MECOM: variants seen among roughly 807,000 people sequenced by gnomAD.
The protein encoded by MECOM is MDS1 and EVI1 complex locus.
A neutral mutation model predicts 116.3 loss-of-function variants in MECOM; 13 were observed. The observed-to-expected ratio is 0.11, with a 90% CI of 0.07 to 0.18. MECOM has a LOEUF of 0.18. Ranked by LOEUF, MECOM falls within the 10% of genes least tolerant of loss-of-function variation. MECOM has a pLI of 1.00. For synonymous variants in MECOM, 528 were observed against 535.2 expected (o/e 0.99, Z 0.19); for missense variants, 1,299 against 1,509.0 (o/e 0.86, Z 2.31).
intron 2 of MECOM, among the ~76,000 whole-genome samples, chr3:169,243,611 T>C (rs1755167781): frequency 6.6e-6 from 1 of 152,132 alleles, no homozygotes; most frequent in Non-Finnish European, 1.5e-5. Context: ...AACTATTTAA[T>C]TGACCAAAAA....
At chr3:169,424,251 G>T (rs916881673) in intron 1 of MECOM, among the ~76,000 whole-genome samples, 2 of 152,098 alleles carry the variant, frequency 1.3e-5, no homozygotes, top group South Asian at 4.1e-4. Context: ...GACTGCTGAG[G>T]TTTCGTCAAA....
chr3:169,315,178 G>A (rs1684763219), intron 2 of MECOM, among the ~76,000 whole-genome samples: 1 of 152,104 alleles, frequency 6.6e-6, no homozygotes, highest in African/African-American at 2.4e-5. Flanking sequence ...CAGCTGACAG[G>A]GCTTTCCCAC....
At chr3:169,097,195 G>A (rs1317898200) in intron 12 of MECOM, among the ~76,000 whole-genome samples, 1 of 151,832 alleles carries the variant, frequency 6.6e-6, no homozygotes, top group South Asian at 2.1e-4. Flanking sequence ...GAGAGATTAT[G>A]TTTCTGCCAT....
intron 1 of MECOM, among the ~76,000 whole-genome samples, chr3:169,579,557 A>G (rs1764879416): frequency 6.6e-6 from 1 of 152,160 alleles, no homozygotes; most frequent in Non-Finnish European, 1.5e-5. Context: ...GATTCACAAC[A>G]AGGATATGAT....
chr3:169,266,417 G>A (rs893127602), intron 2 of MECOM, among the ~76,000 whole-genome samples: 4 of 152,280 alleles, frequency 2.6e-5, no homozygotes, highest in Admixed American at 1.3e-4. Flanking sequence ...ACCATTAAAC[G>A]TACAGGGCAA....
intron 1 of MECOM, among the ~76,000 whole-genome samples, chr3:169,530,129 GA>G (rs1194642214): frequency 1.6e-5 from 2 of 125,174 alleles, no homozygotes; most frequent in African/African-American, 6.7e-5. Context: ...TCAAGTGGTA[GA>G]AAAAGCAGGG....
chr3:169,591,255 T>C (rs571324467), intron 1 of MECOM, among the ~76,000 whole-genome samples: 6 of 152,232 alleles, frequency 3.9e-5, no homozygotes, highest in Admixed American at 6.5e-5. Context: ...TATATCTTTG[T>C]ACATGTAATT....
intron 1 of MECOM, among the ~76,000 whole-genome samples, chr3:169,407,145 C>T (rs917526684): frequency 6.6e-6 from 1 of 152,126 alleles, no homozygotes; most frequent in Non-Finnish European, 1.5e-5. Flanking sequence ...CTGTGCCTGT[C>T]CTATTTCAAG....
intron 1 of MECOM, among the ~76,000 whole-genome samples, chr3:169,591,041 G>A (rs1336065545): frequency 6.6e-6 from 1 of 152,078 alleles, no homozygotes; most frequent in Non-Finnish European, 1.5e-5. Flanking sequence ...AGCCAGATGG[G>A]GAGTTTTCTG....
At chr3:169,296,181 TTTCCC>T (rs1715560531) in intron 2 of MECOM, among the ~76,000 whole-genome samples, 1 of 152,220 alleles carries the variant, frequency 6.6e-6, no homozygotes, top group African/African-American at 2.4e-5. Flanking sequence ...TGGCCCTTGC[TTTCCC>T]CCTCCAGCTA....
chr3:169,569,647 G>A (rs1763647283), intron 1 of MECOM, among the ~76,000 whole-genome samples: 1 of 152,206 alleles, frequency 6.6e-6, no homozygotes, highest in East Asian at 1.9e-4. Flanking sequence ...AGACCACAGT[G>A]CAATCAAATT....
chr3:169,646,166 A>C (rs1039232792), intron 1 of MECOM, among the ~76,000 whole-genome samples: 1 of 152,030 alleles, frequency 6.6e-6, no homozygotes, highest in African/African-American at 2.4e-5. Context: ...GGTTGGTTCC[A>C]AGTCTTTGCT....
chr3:169,657,517 A>C (rs1775681354), intron 1 of MECOM, among the ~76,000 whole-genome samples: 1 of 152,270 alleles, frequency 6.6e-6, no homozygotes, highest in African/African-American at 2.4e-5. Flanking sequence ...CTTGTTAAAT[A>C]GAGTCTGGGA....
At chr3:169,280,353 A>G (rs903262553) in intron 2 of MECOM, among the ~76,000 whole-genome samples, 2 of 152,200 alleles carry the variant, frequency 1.3e-5, no homozygotes, top group African/African-American at 4.8e-5. Flanking sequence ...CTATTTACCA[A>G]CCTCACATAC....
intron 1 of MECOM, among the ~76,000 whole-genome samples, chr3:169,628,530 G>A (rs769844245): frequency 1.3e-5 from 2 of 152,178 alleles, no homozygotes; most frequent in Non-Finnish European, 2.9e-5. Context: ...ATTCAAGGAT[G>A]AATTAGAAGT....
In MECOM at chr3:169,084,945, C is replaced by T. The variant is rs750090830; in HGVS notation, c.3684G>A (p.Ala1228=). The T allele has an allele frequency of 1.1e-5, 17 of 1,614,038 alleles. No homozygotes were observed. Among genetic ancestry groups the T allele is most frequent in the South Asian group, 2.2e-5 (2 of 91,066 alleles). ...NVWHSMARAA[A]ESSAIQSISH... The stretch of plus-strand genomic sequence containing the variant: ...TTATGGACTGGATAGCACTGGATTC[C>T]GCCGCAGCCCTGGCCATACTGTGCC... Residue 1228 remains alanine, a synonymous_variant, in exon 17 of 17, where the codon GCG becomes GCA. Coordinates refer to ENST00000651503, the MANE Select transcript of MECOM (RefSeq NM_004991.4).
intron 1 of MECOM, among the ~76,000 whole-genome samples, chr3:169,470,671 T>A (rs1019627744): frequency 1.3e-5 from 2 of 152,140 alleles, no homozygotes; most frequent in Non-Finnish European, 2.9e-5. Context: ...CAGTGCTTGA[T>A]GTGAAAGCCT....
At chr3:169,371,980 A>T (rs1331323995) in intron 2 of MECOM, among the ~76,000 whole-genome samples, 2 of 152,104 alleles carry the variant, frequency 1.3e-5, no homozygotes. Flanking sequence ...GCACATCTTC[A>T]TTGTAATATC....
At chr3:169,629,857 C>T (rs1440737177) in intron 1 of MECOM, among the ~76,000 whole-genome samples, 2 of 152,232 alleles carry the variant, frequency 1.3e-5, no homozygotes, top group Non-Finnish European at 2.9e-5. Context: ...GGACACACTT[C>T]ACCACCTCAA....
Sources: allele counts gnomAD v4.1 joint callset (sites outside exome capture counted in the v4.1 genomes callset), GRCh38; gene constraint gnomAD v4.1.1; transcripts MANE v1.5; gene names NCBI Gene and HGNC (gene_info 2026-07-23, HGNC 2026-07-21).